The following SLCO1A2 variants were observed in gnomAD, a reference collection of about 807,000 sequenced individuals.
The protein encoded by SLCO1A2 is OATP-1.
A neutral mutation model predicts 69.0 loss-of-function variants in SLCO1A2; 67 were observed. That is an observed-to-expected ratio of 0.97 (90% CI 0.80 to 1.19). The LOEUF (loss-of-function observed/expected upper bound fraction) is 1.19. Ranked by LOEUF, SLCO1A2 falls within the 50% of genes most tolerant of loss-of-function variation. The pLI, the probability that SLCO1A2 is intolerant of heterozygous loss-of-function variation, is 0.00. For synonymous variants in SLCO1A2, 260 were observed against 265.9 expected (o/e 0.98, Z 0.22); for missense variants, 787 against 793.7 (o/e 0.99, Z 0.10).
At chr12:21,361,143 G>C (rs964719040) in intron 2 of SLCO1A2, among the ~76,000 whole-genome samples, 1 of 146,900 alleles carries the variant, frequency 6.8e-6, no homozygotes, top group African/African-American at 2.6e-5. Flanking sequence ...CCCAGTAGGG[G>C]CCGACAGACA....
Position 21,413,734 on chromosome 12 carries a change from AT to A in SLCO1A2, c.-312+4147del, listed in dbSNP as rs150436040. On this transcript the variant is annotated intron_variant, in intron 1 of 4. Transcript: ENST00000413682. Reference sequence around the variant, plus strand: ...TTCTCCCTTGCTGGAGCAAGTCAAAATAATAGAGACAGCCTTACATTCCTAG... The same window carrying A: ...TTCTCCCTTGCTGGAGCAAGTCAAAAAATAGAGACAGCCTTACATTCCTAG... Among the ~76,000 whole-genome samples the A allele has an allele frequency of 6.7e-3, 1,020 of 152,236 alleles. 11 individuals are homozygous for A. Among genetic ancestry groups the A allele is most frequent in the African/African-American group, 0.023 (944 of 41,546 alleles).
intron 2 of SLCO1A2, among the ~76,000 whole-genome samples, chr12:21,362,608 T>C (rs1041382258): frequency 2.6e-5 from 4 of 151,926 alleles, no homozygotes; most frequent in Non-Finnish European, 4.4e-5. Flanking sequence ...GACTGGCAAA[T>C]TGGATAAAGA....
At chr12:21,356,574 T>C (rs1227258484) in intron 2 of SLCO1A2, among the ~76,000 whole-genome samples, 1 of 152,050 alleles carries the variant, frequency 6.6e-6, no homozygotes, top group African/African-American at 2.4e-5. Flanking sequence ...TTCAGAGCTT[T>C]TGAAAAAGCA....
chr12:21,394,765 G>A (rs1941350813), intron 1 of SLCO1A2: 1 of 151,996 alleles, frequency 6.6e-6, no homozygotes, highest in African/African-American at 2.4e-5. Flanking sequence ...TTGTATAACA[G>A]TTTTTTTCTT....
At chr12:21,390,176 T>C (rs551993682) in intron 1 of SLCO1A2, among the ~76,000 whole-genome samples, 149 of 152,188 alleles carry the variant, frequency 9.8e-4, no homozygotes, top group African/African-American at 3.4e-3. Flanking sequence ...CATTACCAAC[T>C]ATTTACTGCT....
intron 2 of SLCO1A2, among the ~76,000 whole-genome samples, chr12:21,328,173 T>C (rs796105918): frequency 2.8e-4 from 43 of 152,270 alleles, no homozygotes; most frequent in African/African-American, 1.0e-3. Flanking sequence ...TCCCCAACCA[T>C]GTGGAACTGT....
chr12:21,361,296 A>C (rs1298515808), intron 2 of SLCO1A2, among the ~76,000 whole-genome samples: 1 of 152,216 alleles, frequency 6.6e-6, no homozygotes, highest in Non-Finnish European at 1.5e-5. Flanking sequence ...ACCTCCAGCA[A>C]ACTCCAACAG....
intron 2 of SLCO1A2, among the ~76,000 whole-genome samples, chr12:21,342,599 A>T (rs765529270): frequency 1.4e-4 from 21 of 152,126 alleles, no homozygotes; most frequent in Non-Finnish European, 2.4e-4. Context: ...TTAATTTAAC[A>T]TAAGGGGTGT....
intron 2 of SLCO1A2, among the ~76,000 whole-genome samples, chr12:21,348,392 C>T (rs1937669309): frequency 6.6e-6 from 1 of 152,170 alleles, no homozygotes; most frequent in Non-Finnish European, 1.5e-5. Flanking sequence ...CCTCACAGCC[C>T]CCCATGACAC....
chr12:21,319,259 G>T (rs930610487), intron 2 of SLCO1A2: 9 of 1,053,838 alleles, frequency 8.5e-6, no homozygotes, highest in South Asian at 1.3e-5. Context: ...AAGTACAAAA[G>T]AATTCATACA....
At chr12:21,418,642 A>G (rs1942027192), upstream of SLCO1A2, among the ~76,000 whole-genome samples, 1 of 152,234 alleles carries the variant, frequency 6.6e-6, no homozygotes, top group Admixed American at 6.5e-5. Context: ...CGAGAACAGT[A>G]TGATGGAAAC....
chr12:21,272,206 A>G (rs1211314658), intron 14 of SLCO1A2, among the ~76,000 whole-genome samples: 3 of 151,760 alleles, frequency 2.0e-5, no homozygotes, highest in Non-Finnish European at 4.4e-5. Flanking sequence ...ACAATTATCC[A>G]TGTATTCATG....
At chr12:21,344,481 A>T (rs1020466404) in intron 2 of SLCO1A2, among the ~76,000 whole-genome samples, 2 of 152,086 alleles carry the variant, frequency 1.3e-5, no homozygotes, top group African/African-American at 4.8e-5. Flanking sequence ...TTTGAATTTG[A>T]TATGCCCCTC....
At chr12:21,289,092 TATTC>T (rs1355074544) in intron 12 of SLCO1A2, among the ~76,000 whole-genome samples, 1 of 151,762 alleles carries the variant, frequency 6.6e-6, no homozygotes, top group African/African-American at 2.4e-5. Context: ...ATCATATACA[TATTC>T]ATATCTCTAT....
intron 2 of SLCO1A2, among the ~76,000 whole-genome samples, chr12:21,362,298 T>A (rs563873578): frequency 2.6e-5 from 4 of 152,156 alleles, no homozygotes; most frequent in Non-Finnish European, 5.9e-5. Flanking sequence ...CCAGTCAAAC[T>A]AAGCTTCATA....
intron 8 of SLCO1A2, among the ~76,000 whole-genome samples, chr12:21,299,938 CCT>C (rs1370200253): frequency 2.3e-4 from 33 of 142,626 alleles, no homozygotes; most frequent in Non-Finnish European, 4.3e-4. Context: ...CCCTCTCTCT[CCT>C]CTCTCTCATA....
intron 2 of SLCO1A2, among the ~76,000 whole-genome samples, 199 bp downstream of exon 2, chr12:21,334,389 C>T (rs1952795021): frequency 6.6e-6 from 1 of 152,066 alleles, no homozygotes; most frequent in African/African-American, 2.4e-5. Context: ...TTAGGACTAA[C>T]TTGCCTGAAT....
chr12:21,274,671 T>C lies in SLCO1A2; in HGVS notation c.1676-85A>G. 3 of 985,918 alleles carry C rather than the reference T, an allele frequency of 3.0e-6. No homozygotes were observed. The South Asian group carries it at 4.4e-5, about 14-fold the overall frequency. The allele number at this position is 985,918 out of a possible 1,614,324, so 61.1% of individuals were successfully genotyped here. A position where few individuals can be genotyped will look rare whatever the true frequency, so the allele number is the denominator to read the frequency against. ...GAAATATTTCAATTTTCTTTATTTG[T>C]ACGGCAAAGTTTATCAAAACATAAA... is the stretch of plus-strand genomic sequence containing the variant. On this transcript the variant is annotated intron_variant, in intron 13 of 14. Transcript: ENST00000683939.
At chr12:21,270,310 C>T (rs1942580514) in intron 14 of SLCO1A2, among the ~76,000 whole-genome samples, 1 of 151,754 alleles carries the variant, frequency 6.6e-6, no homozygotes, top group African/African-American at 2.4e-5. Flanking sequence ...GTGTTAATAG[C>T]ATCTATTACA....
Sources: gnomAD v4.1 joint callset for allele counts (sites outside exome capture counted in the v4.1 genomes callset) on GRCh38, gnomAD v4.1.1 for gene constraint, MANE v1.5 for transcripts, NCBI Gene and HGNC (gene_info 2026-07-23, HGNC 2026-07-21) for gene names.